Variants in ZFPM2 observed in about 807,000 individuals in gnomAD.
ZFPM2 encodes zinc finger protein ZFPM2.
In ZFPM2, 20 loss-of-function variants were observed where a neutral mutation model predicts 98.6. The ratio of observed to expected loss-of-function variants is 0.20; its 90% CI spans 0.14 to 0.29. ZFPM2 has a LOEUF of 0.29. ZFPM2 is among the 10% of genes least tolerant of loss of function. ZFPM2 has a pLI of 1.00. For synonymous variants in ZFPM2, 518 were observed against 502.7 expected (o/e 1.03, Z -0.41); for missense variants, 1,310 against 1,388.6 (o/e 0.94, Z 0.90).
intron 1 of ZFPM2, among the ~76,000 whole-genome samples, chr8:105,323,193 G>A (rs148411951): frequency 2.5e-4 from 38 of 151,562 alleles, no homozygotes; most frequent in African/African-American, 9.2e-4. Context: ...TATCTACTGT[G>A]TTGTCTTTGA....
At position 105,804,309 on chromosome 8, in the gene ZFPM2, T is replaced by C. The variant is rs1395348614; in HGVS notation, c.*771T>C. 6.6e-6 allele frequency: 1 copy of C among 152,578 alleles called. No individual in the cohort carries two copies. Among genetic ancestry groups the C allele is most frequent in the African/African-American group, 2.4e-5 (1 of 41,446 alleles). 9.5% of individuals were successfully genotyped at this position (152,578 alleles called of 1,614,324 possible). The stretch of plus-strand genomic sequence containing the variant: ...GGAAGCAGTATTGTAAGTAATGAGG[T>C]AGTATTAATCAGTTTTATCTTTTGA... On this transcript the variant is annotated 3_prime_UTR_variant, in exon 8 of 8. Transcript: ENST00000407775.
chr8:105,784,559 T>C (rs2131122741), intron 5 of ZFPM2, among the ~76,000 whole-genome samples: 1 of 146,218 alleles, frequency 6.8e-6, no homozygotes, highest in East Asian at 1.9e-4. Context: ...CTAACAATTA[T>C]ATAAACATTT....
In ZFPM2 at chr8:105,689,073, T is replaced by C. The variant is rs1479444017; in HGVS notation, c.532+54716T>C. Among the ~76,000 whole-genome samples, 6 of 152,148 alleles carry C rather than the reference T, an allele frequency of 3.9e-5. No individual in the cohort carries two copies. In the East Asian group the frequency reaches 9.6e-4, roughly 24 times the overall value. The stretch of plus-strand genomic sequence containing the variant: ...CTTTGCATATGCTGTTCATCTCTTA[T>C]GTACTTCCATCTCTCATCATCCACC... On this transcript the variant is annotated intron_variant, in intron 5 of 7. Coordinates refer to ENST00000407775, the MANE Select transcript of ZFPM2 (RefSeq NM_012082.4).
At chr8:105,448,205 C>T (rs1812413945) in intron 3 of ZFPM2, among the ~76,000 whole-genome samples, 1 of 151,808 alleles carries the variant, frequency 6.6e-6, no homozygotes, top group South Asian at 2.1e-4. Flanking sequence ...TTCTTTCTTC[C>T]TTATAAAATT....
chr8:105,523,622 T>G (rs1233480732), intron 3 of ZFPM2, among the ~76,000 whole-genome samples: 1 of 152,208 alleles, frequency 6.6e-6, no homozygotes, highest in Non-Finnish European at 1.5e-5. Context: ...TCTGCTCTAT[T>G]GCATCTGTCA....
chr8:105,577,267 TTATG>T (rs1443273511), intron 4 of ZFPM2, among the ~76,000 whole-genome samples: 5 of 152,138 alleles, frequency 3.3e-5, no homozygotes, highest in Non-Finnish European at 7.4e-5. Flanking sequence ...TCCATAGCCT[TTATG>T]TATATTTTTA....
chr8:105,544,457 G>GT (rs1049055686), intron 3 of ZFPM2, among the ~76,000 whole-genome samples: 1 of 152,016 alleles, frequency 6.6e-6, no homozygotes, highest in Non-Finnish European at 1.5e-5. Flanking sequence ...ATTCTATTAA[G>GT]TAGTCTCATT....
At chr8:105,419,422 G>T (rs1397867341) in intron 2 of ZFPM2, 120 bp downstream of exon 2, 1 of 1,251,372 alleles carries the variant, frequency 8.0e-7, no homozygotes, top group Non-Finnish European at 1.1e-6. Context: ...GAAAATAAGT[G>T]CAGATTTTTT....
chr8:105,671,443 G>T (rs953338636), intron 5 of ZFPM2, among the ~76,000 whole-genome samples: 2 of 151,442 alleles, frequency 1.3e-5, no homozygotes, highest in African/African-American at 2.4e-5. Context: ...ATCTCGTGTT[G>T]TTTTAATCTC....
chr8:105,467,358 T>A (rs1208219350), intron 3 of ZFPM2, among the ~76,000 whole-genome samples: 8 of 152,076 alleles, frequency 5.3e-5, no homozygotes, highest in African/African-American at 1.7e-4. Flanking sequence ...TTAAAGTAGG[T>A]CTTAAATAAA....
intron 4 of ZFPM2, among the ~76,000 whole-genome samples, chr8:105,600,402 T>C (rs1193557480): frequency 6.6e-6 from 1 of 152,130 alleles, no homozygotes; most frequent in Non-Finnish European, 1.5e-5. Flanking sequence ...AAACTGCATA[T>C]GTATAAAAAA....
intron 1 of ZFPM2, among the ~76,000 whole-genome samples, chr8:105,337,110 T>C (rs1812340990): frequency 6.6e-6 from 1 of 151,686 alleles, no homozygotes; most frequent in African/African-American, 2.4e-5. Context: ...ATCCCAGACA[T>C]ACTTTATTAG....
intron 4 of ZFPM2, among the ~76,000 whole-genome samples, chr8:105,599,916 T>C (rs1816057031): frequency 6.6e-6 from 1 of 152,142 alleles, no homozygotes; most frequent in Non-Finnish European, 1.5e-5. Context: ...GTGCAGGACT[T>C]ATCACCCCTG....
chr8:105,747,313 A>AGGTT (rs1340838984), intron 5 of ZFPM2, among the ~76,000 whole-genome samples: 1 of 152,102 alleles, frequency 6.6e-6, no homozygotes, highest in Non-Finnish European at 1.5e-5. Flanking sequence ...GTTAACTCGA[A>AGGTT]GGTTAAGTGG....
intron 3 of ZFPM2, among the ~76,000 whole-genome samples, chr8:105,467,024 G>T (rs535100639): frequency 6.6e-6 from 1 of 152,090 alleles, no homozygotes; most frequent in South Asian, 2.1e-4. Context: ...CCTACCTCCT[G>T]TATCTCTTGT....
intron 4 of ZFPM2, among the ~76,000 whole-genome samples, chr8:105,629,749 G>A (rs1310509923): frequency 6.6e-6 from 1 of 152,124 alleles, no homozygotes; most frequent in Non-Finnish European, 1.5e-5. Flanking sequence ...TAAACTGGAG[G>A]CCATTCTCAG....
At chr8:105,380,321 T>C (rs1230229703) in intron 1 of ZFPM2, among the ~76,000 whole-genome samples, 1 of 151,704 alleles carries the variant, frequency 6.6e-6, no homozygotes, top group African/African-American at 2.4e-5. Context: ...TATTTTACTC[T>C]GTAGGAATGA....
intron 5 of ZFPM2, among the ~76,000 whole-genome samples, chr8:105,663,823 T>G (rs1375494793): frequency 6.6e-6 from 1 of 152,236 alleles, no homozygotes; most frequent in African/African-American, 2.4e-5. Context: ...CACTCTAAGA[T>G]GGTCTCTGTC....
At chr8:105,746,651 A>AT (rs1476597398) in intron 5 of ZFPM2, among the ~76,000 whole-genome samples, 1,652 of 63,358 alleles carry the variant, frequency 0.026, 57 homozygotes, top group African/African-American at 0.046. Context: ...TTCTGTTTTT[A>AT]AAAATTTTTT....
Sources: allele counts gnomAD v4.1 joint callset (sites outside exome capture counted in the v4.1 genomes callset), GRCh38; gene constraint gnomAD v4.1.1; transcripts MANE v1.5; gene names NCBI Gene and HGNC (gene_info 2026-07-23, HGNC 2026-07-21).